Variants in MED13L observed in about 807,000 individuals in gnomAD.
MED13L encodes the protein mediator complex subunit 13L, also known as mediator of RNA polymerase II transcription subunit 13-like.
In MED13L, 7 loss-of-function variants were observed where a neutral mutation model predicts 220.9. The observed-to-expected ratio is 0.03, with a 90% CI of 0.02 to 0.06. The LOEUF (loss-of-function observed/expected upper bound fraction) is 0.06. MED13L is among the 10% of genes least tolerant of loss of function. The pLI, the probability that MED13L is intolerant of heterozygous loss-of-function variation, is 1.00. For synonymous variants in MED13L, 1,011 were observed against 1,015.2 expected (o/e 1.00, Z 0.08); for missense variants, 1,965 against 2,760.5 (o/e 0.71, Z 6.46).
intron 11 of MED13L, chr12:116,007,144 A>G (rs1879098174): frequency 4.1e-6 from 2 of 485,682 alleles, no homozygotes; most frequent in Non-Finnish European, 7.5e-6. Flanking sequence ...GAATTAGCAT[A>G]TGAGAGAAAA....
chr12:115,991,248 G>C lies in MED13L; in HGVS notation c.3706C>G (p.Pro1236Ala). 6.2e-7 allele frequency: 1 copy of C among 1,614,212 alleles called. No homozygotes were observed. The change falls in exon 17 of 31, where the codon CCT (proline) becomes GCT (alanine). Residue 1236 changes from proline (P) to alanine (A), a missense_variant. Transcript: ENST00000281928. The surrounding 1 kb of genome is among the most constrained non-coding windows in gnomAD (Gnocchi z 7.7). ...LLLLQNQHTQ[P>A]FASLNFLDYI... is the part of the protein sequence containing the mutation. ...TCCAGGAAATTCAGTGAAGCAAAAG[G>C]TTGTGTGTGTTGATTCTGGAGGAGG...
chr12:116,110,533 C>A lies in MED13L; in HGVS notation c.395+895G>T, dbSNP rs1452550201. ...TTTAAGCAAGGACTACCAATATAGT[C>A]TAAAACAAATAAATGAAAATTTGAT... On this transcript the variant is annotated intron_variant, in intron 3 of 30. Coordinates refer to ENST00000281928, the MANE Select transcript of MED13L (RefSeq NM_015335.5). Among the ~76,000 whole-genome samples, 11 of 151,912 alleles carry A rather than the reference C, an allele frequency of 7.2e-5. No homozygotes were observed. The South Asian group carries it at 1.9e-3, about 26-fold the overall frequency.
Position 115,975,571 on chromosome 12 carries a change from A to C in MED13L, c.5532T>G (p.Thr1844=), listed in dbSNP as rs943194642. ...TCTCTAATAATTCCCCATGGAGGTC[A>C]GTGCAGGAAGCCAAAAGCCAGCGCT... ...HDQRWLLASC[T]DLHGELLETC... Residue 1844 remains threonine, a synonymous_variant, in exon 24 of 31, where the codon ACT becomes ACG. Transcript: ENST00000281928. 5 of 1,614,172 alleles carry C rather than the reference A, an allele frequency of 3.1e-6. No individual in the cohort carries two copies. The highest frequency in any genetic ancestry group is 4.2e-6 in the Non-Finnish European group (5 of 1,180,008).
chr12:116,072,844 T>C (rs890840370), intron 4 of MED13L, among the ~76,000 whole-genome samples: 2 of 152,184 alleles, frequency 1.3e-5, no homozygotes, highest in Non-Finnish European at 2.9e-5. Context: ...CTCTTACTTA[T>C]TACAGATGGG....
chr12:116,083,606 T>C (rs960673586), intron 4 of MED13L, among the ~76,000 whole-genome samples: 3 of 152,154 alleles, frequency 2.0e-5, no homozygotes, highest in South Asian at 2.1e-4. Flanking sequence ...AGGAGCAGGC[T>C]ACTGGTTGGC....
At chr12:116,142,605 T>G (rs1327076391) in intron 2 of MED13L, among the ~76,000 whole-genome samples, 1 of 152,088 alleles carries the variant, frequency 6.6e-6, no homozygotes, top group African/African-American at 2.4e-5. Flanking sequence ...GGAGAATCGC[T>G]TGAACCGGGG....
intron 2 of MED13L, among the ~76,000 whole-genome samples, chr12:116,124,168 CAGAG>C (rs1196095304): frequency 3.1e-5 from 4 of 127,490 alleles, no homozygotes; most frequent in Admixed American, 1.6e-4. Flanking sequence ...CAGAGAGAGA[CAGAG>C]AGAGACAGAG....
In MED13L at chr12:115,960,908, C is replaced by T; in HGVS notation, c.*358G>A. ...GGGCTAGACTGCCCTCAATTGTATA[C>T]AGAGGCTGAAAACACAGACTCTTGT... On this transcript the variant is annotated 3_prime_UTR_variant, in exon 31 of 31. Transcript: ENST00000281928. 2.8e-6 allele frequency: 1 copy of T among 354,134 alleles called. No homozygotes were observed. The highest frequency in any genetic ancestry group is 5.5e-6 in the Non-Finnish European group (1 of 180,728). 21.9% of individuals were successfully genotyped at this position (354,134 alleles called of 1,614,324 possible). A position where few individuals can be genotyped will look rare whatever the true frequency, so the allele number is the denominator to read the frequency against.
At chr12:116,189,046 T>C (rs1881092361) in intron 2 of MED13L, among the ~76,000 whole-genome samples, 1 of 152,222 alleles carries the variant, frequency 6.6e-6, no homozygotes. Flanking sequence ...TGCACAAACA[T>C]ACGTTTTCAC....
At chr12:116,010,881 TC>T (rs1163078378) in intron 9 of MED13L, among the ~76,000 whole-genome samples, 3 of 151,678 alleles carry the variant, frequency 2.0e-5, no homozygotes, top group Non-Finnish European at 4.4e-5. Flanking sequence ...TAAGGATTTT[TC>T]TTTTTTTTTT....
chr12:116,162,405 T>G (rs557958514), intron 2 of MED13L, among the ~76,000 whole-genome samples: 1 of 152,162 alleles, frequency 6.6e-6, no homozygotes, highest in African/African-American at 2.4e-5. Flanking sequence ...AGTTTTAATT[T>G]TGTCTTTTGA....
At position 115,961,551 on chromosome 12, in the gene MED13L, T is replaced by C. The variant is rs1875755616; in HGVS notation, c.6501-153A>G. The C allele has an allele frequency of 4.7e-6, 5 of 1,068,048 alleles. No individual in the cohort carries two copies. The Admixed American group carries it at 8.0e-5, about 17-fold the overall frequency. The allele number at this position is 1,068,048 out of a possible 1,614,324, so 66.2% of individuals were successfully genotyped here. A position where few individuals can be genotyped will look rare whatever the true frequency, so the allele number is the denominator to read the frequency against. On this transcript the variant is annotated intron_variant, in intron 30 of 30. Coordinates refer to ENST00000281928, the MANE Select transcript of MED13L (RefSeq NM_015335.5). ...CTTTCCCTCATCCTTTGTCTCATGT[T>C]CCTCCTTCCTTCTAGATATGGACTA...
chr12:116,164,806 G>T (rs957752478), intron 2 of MED13L, among the ~76,000 whole-genome samples: 1 of 152,136 alleles, frequency 6.6e-6, no homozygotes, highest in African/African-American at 2.4e-5. Context: ...ATGAATTTTA[G>T]CCTGAAATGT....
At chr12:116,132,914 AAAAAAAC>A (rs1876204016) in intron 2 of MED13L, among the ~76,000 whole-genome samples, 1 of 152,198 alleles carries the variant, frequency 6.6e-6, no homozygotes, top group African/African-American at 2.4e-5. Flanking sequence ...TCTGTCTCAA[AAAAAAAC>A]AAAAAGGAAG....
intron 4 of MED13L, among the ~76,000 whole-genome samples, chr12:116,036,177 T>C (rs1592972905): frequency 6.6e-6 from 1 of 152,208 alleles, no homozygotes; most frequent in African/African-American, 2.4e-5. Context: ...GTTTCAGTCA[T>C]AACCAAAGAT....
At chr12:115,976,544 T>C (rs1398142182) in intron 23 of MED13L, among the ~76,000 whole-genome samples, 3 of 152,216 alleles carry the variant, frequency 2.0e-5, no homozygotes, top group Non-Finnish European at 4.4e-5. Context: ...TATTTGCTTC[T>C]TGCACTTGTT....
intron 29 of MED13L, among the ~76,000 whole-genome samples, chr12:115,964,035 T>C (rs1432338053): frequency 6.6e-6 from 1 of 152,078 alleles, no homozygotes; most frequent in African/African-American, 2.4e-5. Context: ...TGCAGTGAGC[T>C]GTGATTGCAC....
chr12:116,016,009 T>G (rs1405192557), intron 7 of MED13L, among the ~76,000 whole-genome samples: 1 of 152,202 alleles, frequency 6.6e-6, no homozygotes, highest in African/African-American at 2.4e-5. Flanking sequence ...TTCATTATGA[T>G]TATTGATGAT....
intron 2 of MED13L, among the ~76,000 whole-genome samples, chr12:116,173,232 C>A (rs1879809485): frequency 6.6e-6 from 1 of 152,020 alleles, no homozygotes; most frequent in Non-Finnish European, 1.5e-5. Context: ...AAACTCCTTT[C>A]TCATGTTTAA....
Sources: allele counts gnomAD v4.1 joint callset (sites outside exome capture counted in the v4.1 genomes callset), GRCh38; gene constraint gnomAD v4.1.1; non-coding constraint Gnocchi (gnomAD v3.1); transcripts MANE v1.5; gene names NCBI Gene and HGNC (gene_info 2026-07-23, HGNC 2026-07-21).